The following LHPP variants were observed in gnomAD, a reference collection of about 807,000 sequenced individuals.
LHPP encodes the protein hLHPP.
Under a neutral mutation model 30.3 loss-of-function variants are expected in LHPP, and 24 were observed. The ratio of observed to expected loss-of-function variants is 0.79; its 90% CI spans 0.57 to 1.11. LHPP has a LOEUF of 1.11. LHPP is among the 50% of genes most tolerant of loss of function. The pLI, the probability that LHPP is intolerant of heterozygous loss-of-function variation, is 0.00. For missense variants in LHPP, 356 were observed against 367.2 expected, an observed-to-expected ratio of 0.97 and a Z score of 0.25; for synonymous variants, 150 against 157.1, an observed-to-expected ratio of 0.95 and a Z score of 0.34.
intron 6 of LHPP, among the ~76,000 whole-genome samples, chr10:124,564,092 G>A (rs1484185089): frequency 1.3e-5 from 2 of 150,846 alleles, no homozygotes; most frequent in Non-Finnish European, 2.9e-5. Flanking sequence ...ACCTACAGGT[G>A]CACATTGAAG....
chr10:124,521,601 G>A (rs1954613779), intron 6 of LHPP, among the ~76,000 whole-genome samples: 1 of 152,198 alleles, frequency 6.6e-6, no homozygotes, highest in Non-Finnish European at 1.5e-5. Context: ...GGGGAGGAGG[G>A]GTGGCCTTGT....
At chr10:124,500,682 C>G (rs930958664) in intron 5 of LHPP, among the ~76,000 whole-genome samples, 3 of 151,076 alleles carry the variant, frequency 2.0e-5, no homozygotes, top group Non-Finnish European at 4.4e-5. Context: ...AAATGCAGAT[C>G]AAAACTCCAG....
At chr10:124,572,660 G>GAAAGA in intron 6 of LHPP, among the ~76,000 whole-genome samples, 1 of 62,704 alleles carries the variant, frequency 1.6e-5, no homozygotes, top group Non-Finnish European at 3.1e-5. Context: ...GAAAGGAAAG[G>GAAAGA]AAAGAAAAGA....
intron 6 of LHPP, among the ~76,000 whole-genome samples, chr10:124,568,462 C>T (rs1948529140): frequency 6.6e-6 from 1 of 152,164 alleles, no homozygotes; most frequent in Admixed American, 6.5e-5. Flanking sequence ...GAGGTGAAAC[C>T]GCGCGATGAG....
At chr10:124,580,545 C>G (rs1368536749) in intron 6 of LHPP, among the ~76,000 whole-genome samples, 2 of 152,162 alleles carry the variant, frequency 1.3e-5, no homozygotes, top group African/African-American at 4.8e-5. Flanking sequence ...TATAATGCCA[C>G]CTCTGTCATG....
intron 6 of LHPP, among the ~76,000 whole-genome samples, chr10:124,558,388 C>T (rs764953040): frequency 6.6e-6 from 1 of 152,204 alleles, no homozygotes; most frequent in Non-Finnish European, 1.5e-5. Context: ...CAGATGAGGG[C>T]GACAGGAGGA....
intron 5 of LHPP, among the ~76,000 whole-genome samples, chr10:124,515,218 G>A (rs1954419367): frequency 6.6e-6 from 1 of 152,102 alleles, no homozygotes; most frequent in Non-Finnish European, 1.5e-5. Context: ...GTTTCATTTT[G>A]GGCAGTTTCT....
intron 5 of LHPP, among the ~76,000 whole-genome samples, chr10:124,511,377 G>A (rs1025977392): frequency 6.6e-6 from 1 of 152,212 alleles, no homozygotes; most frequent in African/African-American, 2.4e-5. Flanking sequence ...CCGTGTGCAT[G>A]ACACACTCTG....
chr10:124,534,589 G>A (rs1395513602), intron 6 of LHPP, among the ~76,000 whole-genome samples: 1 of 152,252 alleles, frequency 6.6e-6, no homozygotes, highest in African/African-American at 2.4e-5. Context: ...TTCCTTCCCT[G>A]TCTGTAAAAG....
intron 6 of LHPP, among the ~76,000 whole-genome samples, chr10:124,606,736 G>A (rs1949098063): frequency 6.6e-6 from 1 of 152,222 alleles, no homozygotes; most frequent in Admixed American, 6.5e-5. Context: ...CCTGGGGCAG[G>A]GGGAGGAGCA....
At chr10:124,565,739 A>G (rs1474497007) in intron 6 of LHPP, among the ~76,000 whole-genome samples, 1 of 152,164 alleles carries the variant, frequency 6.6e-6, no homozygotes, top group Non-Finnish European at 1.5e-5. Flanking sequence ...CATCGTCCCA[A>G]CATGCAGCTG....
At chr10:124,507,083 T>G (rs1433248540) in intron 5 of LHPP, among the ~76,000 whole-genome samples, 3 of 1,460 alleles carry the variant, frequency 2.1e-3, no homozygotes, top group Non-Finnish European at 2.9e-3. Context: ...GGATTTCAGG[T>G]GGGGGGGTAG....
intron 6 of LHPP, among the ~76,000 whole-genome samples, chr10:124,600,559 A>G (rs79548464): frequency 6.6e-6 from 1 of 152,214 alleles, no homozygotes; most frequent in Non-Finnish European, 1.5e-5. Context: ...GGGTGCTGCA[A>G]CCTAGGTGCC....
At chr10:124,599,827 G>A (rs1948998831) in intron 6 of LHPP, among the ~76,000 whole-genome samples, 1 of 152,236 alleles carries the variant, frequency 6.6e-6, no homozygotes, top group African/African-American at 2.4e-5. Context: ...TCCACTCTGG[G>A]GGTGCTCGTC....
chr10:124,602,456 G>A (rs1163647054), intron 6 of LHPP, among the ~76,000 whole-genome samples: 1 of 152,230 alleles, frequency 6.6e-6, no homozygotes, highest in African/African-American at 2.4e-5. Context: ...CCACTGGCTG[G>A]TGGAGAGCTC....
intron 6 of LHPP, among the ~76,000 whole-genome samples, chr10:124,558,937 TGGAATCGTG>T (rs576903691): frequency 6.6e-6 from 1 of 152,328 alleles, no homozygotes; most frequent in Admixed American, 6.5e-5. Context: ...CCTTTTCTGT[TGGAATCGTG>T]GGGCCTTAAC....
intron 6 of LHPP, among the ~76,000 whole-genome samples, chr10:124,526,834 C>T (rs1416558330): frequency 6.6e-6 from 1 of 152,218 alleles, no homozygotes; most frequent in Non-Finnish European, 1.5e-5. Context: ...CTCTCTTCCC[C>T]TCCAGTGTGT....
intron 6 of LHPP, among the ~76,000 whole-genome samples, chr10:124,607,119 GC>G (rs768151984): frequency 1.1e-3 from 175 of 152,306 alleles, no homozygotes; most frequent in African/African-American, 4.1e-3. Context: ...ATGGTCTGCG[GC>G]CCCTCCTGCT....
At chr10:124,505,716 A>G (rs1954041846) in intron 5 of LHPP, among the ~76,000 whole-genome samples, 1 of 152,202 alleles carries the variant, frequency 6.6e-6, no homozygotes, top group Non-Finnish European at 1.5e-5. Context: ...ATAGCTTCAT[A>G]TGAGCACCCA....
Sources: gnomAD v4.1 joint callset for allele counts (sites outside exome capture counted in the v4.1 genomes callset) on GRCh38, gnomAD v4.1.1 for gene constraint, MANE v1.5 for transcripts, NCBI Gene and HGNC (gene_info 2026-07-23, HGNC 2026-07-21) for gene names.